Variants in DCLRE1C observed in about 807,000 individuals in gnomAD.
DCLRE1C encodes the protein DNA cross-link repair 1C.
A neutral mutation model predicts 61.4 loss-of-function variants in DCLRE1C; 47 were observed. The ratio of observed to expected loss-of-function variants is 0.77; its 90% confidence interval spans 0.61 to 0.98. The LOEUF (loss-of-function observed/expected upper bound fraction) is 0.98, where lower values mean the gene tolerates loss of function less well. Ranked by LOEUF, DCLRE1C falls within the 50% of genes least tolerant of loss-of-function variation. The pLI, the probability that DCLRE1C is intolerant of heterozygous loss-of-function variation, is 0.00. For synonymous variants in DCLRE1C, 337 were observed against 287.6 expected (o/e 1.17, Z -1.74); for missense variants, 858 against 816.0 (o/e 1.05, Z -0.63).
intron 6 of DCLRE1C, among the ~76,000 whole-genome samples, chr10:14,935,150 CTT>C (rs1197734746): frequency 2.0e-5 from 3 of 150,694 alleles, no homozygotes; most frequent in Non-Finnish European, 4.4e-5. Context: ...AGCAATAAAA[CTT>C]TATTCAGTCA....
chr10:14,939,770 C>A (rs1214834840), intron 4 of DCLRE1C, 40 bp downstream of exon 4: 2 of 1,507,372 alleles, frequency 1.3e-6, no homozygotes. Flanking sequence ...ATTTTAGCAC[C>A]ACATTTTTTT....
At chr10:14,949,612 G>T (rs893050835) in intron 1 of DCLRE1C, among the ~76,000 whole-genome samples, 1 of 152,220 alleles carries the variant, frequency 6.6e-6, no homozygotes, top group African/African-American at 2.4e-5. Context: ...GCTCCACAGC[G>T]CTCCACATTA....
intron 9 of DCLRE1C, among the ~76,000 whole-genome samples, chr10:14,931,609 G>T (rs1589041922): frequency 6.6e-6 from 1 of 152,082 alleles, no homozygotes; most frequent in East Asian, 1.9e-4. Flanking sequence ...CATGTGACTT[G>T]CAAAGACACT....
At position 14,951,625 on chromosome 10, in the gene DCLRE1C, G is replaced by A. The variant is rs186501089; in HGVS notation, c.109+2277C>T. Among the ~76,000 whole-genome samples the A allele has an allele frequency of 1.4e-3, 209 of 152,128 alleles. 2 individuals carry two copies. Among genetic ancestry groups the A allele is most frequent in the Non-Finnish European group, 3.7e-4 (25 of 67,998 alleles). On this transcript the variant is annotated intron_variant, in intron 1 of 13. Coordinates refer to ENST00000378278, the MANE Select transcript of DCLRE1C (RefSeq NM_001033855.3). Reference sequence around the variant, plus strand: ...CAGGAAGCTGGGAAGATCAAGATGCGGGGCGATTTGGTTTCTGGAGAGGGC... The same window carrying A: ...CAGGAAGCTGGGAAGATCAAGATGCAGGGCGATTTGGTTTCTGGAGAGGGC...
chr10:14,932,270 CTATAA>C (rs976646442), intron 9 of DCLRE1C, among the ~76,000 whole-genome samples: 12 of 151,948 alleles, frequency 7.9e-5, no homozygotes, highest in Non-Finnish European at 1.2e-4. Context: ...AAGTTATAAG[CTATAA>C]TATATTACTG....
chr10:14,934,590 C>T (rs1451273515), intron 7 of DCLRE1C, 70 bp from the exon 8 acceptor site: 4 of 1,613,714 alleles, frequency 2.5e-6, no homozygotes, highest in Non-Finnish European at 3.4e-6. Context: ...CCCAACAGTC[C>T]CAGGTACTCA....
At chr10:14,901,980 A>C (rs1328390885), downstream of DCLRE1C, among the ~76,000 whole-genome samples, 1 of 152,224 alleles carries the variant, frequency 6.6e-6, no homozygotes, top group Non-Finnish European at 1.5e-5. Context: ...CTTTATTGTG[A>C]CAATATAAAT....
At chr10:14,950,633 T>C (rs1430418085) in intron 1 of DCLRE1C, among the ~76,000 whole-genome samples, 1 of 152,214 alleles carries the variant, frequency 6.6e-6, no homozygotes, top group Admixed American at 6.5e-5. Flanking sequence ...GGTATATCCC[T>C]GGGCAGCATT....
intron 13 of DCLRE1C, among the ~76,000 whole-genome samples, chr10:14,913,811 A>G (rs895007286): frequency 2.6e-5 from 4 of 152,198 alleles, no homozygotes; most frequent in African/African-American, 9.6e-5. Context: ...ACCATTTAAT[A>G]TGACTTGAGC....
chr10:14,933,031 G>T, intron 8 of DCLRE1C, 76 bp from the exon 9 acceptor site: 3 of 1,498,494 alleles, frequency 2.0e-6, no homozygotes, highest in Non-Finnish European at 2.8e-6. Context: ...ATTACTCAGG[G>T]CAAAACACCC....
intron 13 of DCLRE1C, among the ~76,000 whole-genome samples, chr10:14,914,749 G>A (rs1336753270): frequency 6.6e-6 from 1 of 152,098 alleles, no homozygotes; most frequent in African/African-American, 2.4e-5. Flanking sequence ...GACCAGCCTG[G>A]CCAACATGGC....
At chr10:14,901,366 A>G, downstream of DCLRE1C, 2 of 1,474,922 alleles carry the variant, frequency 1.4e-6, no homozygotes. Context: ...AATACTAAAG[A>G]TGAAAAGTTG....
In DCLRE1C at chr10:14,908,446, C is replaced by G. The variant is rs151259511; in HGVS notation, c.2041G>C (p.Ala681Pro). 5.0e-6 allele frequency: 8 copies of G among 1,613,892 alleles called. No homozygotes were observed. Among genetic ancestry groups the G allele is most frequent in the Non-Finnish European group, 6.8e-6 (8 of 1,179,982 alleles). The change falls in exon 14 of 14, where the codon GCA (alanine) becomes CCA (proline). Residue 681 changes from alanine to proline, a missense_variant. Transcript: ENST00000378278. ...YEKLATGESI[A>P]VKKRKCSLLD... ...AGTGAGCATTTTCTTTTTTTGACTG[C>G]TATACTCTCACCAGTTGCCAGCTTC...
At chr10:14,901,884 A>G (rs148152571), downstream of DCLRE1C, among the ~76,000 whole-genome samples, 941 of 152,342 alleles carry the variant, frequency 6.2e-3, 7 homozygotes, top group African/African-American at 0.021. Context: ...TGTATATTCA[A>G]AAGATTGAAA....
In DCLRE1C at chr10:14,953,981, C is replaced by T. The variant is rs768356794; in HGVS notation, c.30G>A (p.Glu10=). The change falls in exon 1 of 14, where the codon GAG becomes GAA. Residue 10 remains glutamate (E), a synonymous_variant. Coordinates refer to ENST00000378278, the MANE Select transcript of DCLRE1C (RefSeq NM_001033855.3). The stretch of plus-strand genomic sequence containing the variant: ...AGCGGTCTATGGAGATAGTTGGATA[C>T]TCGGCCATCTGCCCCTCGAAAGAAC... MSSFEGQMA[E]YPTISIDRFD... is the part of the protein sequence containing the mutation. 3.7e-6 allele frequency: 6 copies of T among 1,614,086 alleles called. No individual in the cohort carries two copies. The East Asian group carries it at 1.3e-4, about 36-fold the overall frequency.
chr10:14,929,422 A>T (rs1220262653), intron 9 of DCLRE1C, among the ~76,000 whole-genome samples: 11 of 140,696 alleles, frequency 7.8e-5, no homozygotes, highest in Admixed American at 5.8e-4. Flanking sequence ...ATTTTTTTTT[A>T]ATTAAAAAAA....
chr10:14,912,434 C>T (rs949596461), intron 13 of DCLRE1C, among the ~76,000 whole-genome samples: 5 of 152,114 alleles, frequency 3.3e-5, no homozygotes, highest in African/African-American at 9.7e-5. Flanking sequence ...TTCTACCCCC[C>T]ACAAGAAATA....
chr10:14,897,896 CA>C (rs1195730838), exon 14 of DCLRE1C: 1 of 154,708 alleles, frequency 6.5e-6, no homozygotes, highest in East Asian at 1.9e-4. Flanking sequence ...TCTATTTGAC[CA>C]AATATGATTA....
In DCLRE1C at chr10:14,930,481, G is replaced by A. The variant is rs185187177; in HGVS notation, c.781-2329C>T. Among the ~76,000 whole-genome samples the A allele has an allele frequency of 3.2e-3, 492 of 151,830 alleles. 2 individuals carry two copies. The highest frequency in any genetic ancestry group is 0.011 in the African/African-American group (463 of 41,400). ...AGAGTCTTGCTCTGTCACCCAGACT[G>A]GAGTGCAGTGGTGACATCTTGGCTC... On this transcript the variant is annotated intron_variant, in intron 9 of 13. Transcript: ENST00000378278.
Sources: gnomAD v4.1 joint callset for allele counts (sites outside exome capture counted in the v4.1 genomes callset) on GRCh38, gnomAD v4.1.1 for gene constraint, MANE v1.5 for transcripts, NCBI Gene and HGNC (gene_info 2026-07-23, HGNC 2026-07-21) for gene names.